Variants in JPH3 observed in about 807,000 individuals in gnomAD.
JPH3 encodes the protein junctophilin 3.
JPH3 carries 11 observed loss-of-function variants against 59.6 expected under a neutral mutation model. The observed-to-expected ratio is 0.18, with a 90% CI of 0.12 to 0.31. The LOEUF is 0.31. Ranked by LOEUF, JPH3 falls within the 10% of genes least tolerant of loss-of-function variation. The probability of loss-of-function intolerance (pLI) is 1.00; values close to 1 mark genes in which losing one functional copy is unlikely to be tolerated. For synonymous variants in JPH3, 673 were observed against 483.6 expected (o/e 1.39, Z -5.14); for missense variants, 1,202 against 1,105.7 (o/e 1.09, Z -1.24).
intron 1 of JPH3, among the ~76,000 whole-genome samples, chr16:87,624,278 G>A (rs114090423): frequency 5.8e-4 from 88 of 152,238 alleles, no homozygotes; most frequent in African/African-American, 2.0e-3. Context: ...CATTTTCATC[G>A]TCTCAAGAAG....
chr16:87,604,496 G>A, intron 1 of JPH3: 1 of 1,320,696 alleles, frequency 7.6e-7, no homozygotes, highest in African/African-American at 1.5e-5. Flanking sequence ...TCCCATGTGG[G>A]AGCTTATCCT....
intron 2 of JPH3, among the ~76,000 whole-genome samples, chr16:87,658,015 C>A (rs1401349341): frequency 6.6e-6 from 1 of 152,208 alleles, no homozygotes; most frequent in Non-Finnish European, 1.5e-5. Flanking sequence ...GCAAAGACTT[C>A]CTGGGTGTGG....
At chr16:87,628,105 G>C (rs1263313862) in intron 1 of JPH3, among the ~76,000 whole-genome samples, 1 of 152,214 alleles carries the variant, frequency 6.6e-6, no homozygotes, top group Non-Finnish European at 1.5e-5. Context: ...GAGGAAGCTG[G>C]GGTTAAGGGC....
chr16:87,633,494 T>C (rs61232140), intron 1 of JPH3, among the ~76,000 whole-genome samples: 1 of 149,466 alleles, frequency 6.7e-6, no homozygotes, highest in African/African-American at 2.5e-5. Context: ...AAAAAAAAAA[T>C]TTATATATAT....
In JPH3 at chr16:87,649,631, C is replaced by T. The variant is rs186337152; in HGVS notation, c.1160+4596C>T. 1.3e-4 allele frequency among the ~76,000 whole-genome samples: 20 copies of T among 152,320 alleles called. No homozygotes were observed. In the East Asian group the frequency reaches 3.9e-3, roughly 29 times the overall value. ...CCCTCTGCCACAACAACTCTCACAG[C>T]CCCCTCATCCCCACCCGCCGTGGAA... On this transcript the variant is annotated intron_variant, in intron 2 of 4. Transcript: ENST00000284262.
intron 2 of JPH3, among the ~76,000 whole-genome samples, chr16:87,679,865 C>T (rs1002540015): frequency 2.0e-5 from 3 of 152,244 alleles, no homozygotes; most frequent in African/African-American, 7.2e-5. Context: ...CTTCAGAGGC[C>T]CCCAGCTGGT....
In JPH3 at chr16:87,602,645, CGCCGCCGCCCGT is replaced by C. The variant is rs2030277505; in HGVS notation, c.-492_-481del. ...GCCCCCAATATGGTGCAGCCGCCAG[CGCCGCCGCCCGT>C]GCCGCCGCCGCCGCCCGCGGGCCCC... On this transcript the variant is annotated 5_prime_UTR_variant, in exon 1 of 5. Coordinates refer to ENST00000284262, the MANE Select transcript of JPH3 (RefSeq NM_020655.4). Among the ~76,000 whole-genome samples, 1 of 140,114 alleles carries C rather than the reference CGCCGCCGCCCGT, an allele frequency of 7.1e-6. No homozygotes were observed. Among genetic ancestry groups the C allele is most frequent in the Admixed American group, 7.0e-5 (1 of 14,376 alleles). 91.9% of individuals were successfully genotyped at this position (140,114 alleles called of 152,430 possible).
chr16:87,632,917 G>A (rs2031610321), intron 1 of JPH3, among the ~76,000 whole-genome samples: 1 of 151,934 alleles, frequency 6.6e-6, no homozygotes, highest in African/African-American at 2.4e-5. Flanking sequence ...AATTTTGGTA[G>A]AGACAGGGTC....
At chr16:87,606,262 A>T (rs2030517492) in intron 1 of JPH3, among the ~76,000 whole-genome samples, 2 of 152,272 alleles carry the variant, frequency 1.3e-5, no homozygotes, top group Admixed American at 1.3e-4. Context: ...GGCAGCCATC[A>T]GCGAAGCTCT....
In JPH3 at chr16:87,695,550, G is replaced by T. The variant is rs568988611; in HGVS notation, c.2167-1030G>T. On this transcript the variant is annotated intron_variant, in intron 4 of 4. Coordinates refer to ENST00000284262, the MANE Select transcript of JPH3 (RefSeq NM_020655.4). ...GGCGTGGTGGGGGTGGGGAGAGGCA[G>T]GGGCAAGTGTCCTCTGGAAGCAGAC... 5.6e-4 allele frequency: 254 copies of T among 454,806 alleles called. 1 individual carries two copies. Among genetic ancestry groups the T allele is most frequent in the African/African-American group, 4.6e-3 (232 of 50,144 alleles). The allele number at this position is 454,806 out of a possible 1,614,324, so 28.2% of individuals were successfully genotyped here. A position where few individuals can be genotyped will look rare whatever the true frequency, so the allele number is the denominator to read the frequency against.
intron 1 of JPH3, among the ~76,000 whole-genome samples, chr16:87,605,733 G>A (rs951903166): frequency 3.3e-5 from 5 of 152,130 alleles, no homozygotes; most frequent in Admixed American, 2.6e-4. Flanking sequence ...AGTAAGGCCC[G>A]GGCTTTGTGA....
At chr16:87,675,386 C>T (rs1200817173) in intron 2 of JPH3, among the ~76,000 whole-genome samples, 6 of 152,202 alleles carry the variant, frequency 3.9e-5, no homozygotes, top group East Asian at 1.9e-4. Context: ...CCAGCCTCCC[C>T]GTCCAGCCTT....
At chr16:87,639,400 C>G (rs991021411) in intron 1 of JPH3, among the ~76,000 whole-genome samples, 2 of 152,152 alleles carry the variant, frequency 1.3e-5, no homozygotes, top group Non-Finnish European at 2.9e-5. Flanking sequence ...TCCTGGTGGG[C>G]AAACTGGGCA....
chr16:87,639,114 C>G (rs1340320978), intron 1 of JPH3, among the ~76,000 whole-genome samples: 1 of 152,154 alleles, frequency 6.6e-6, no homozygotes, highest in Non-Finnish European at 1.5e-5. Context: ...AAGAGAGGTG[C>G]AGGGCTTTTG....
At chr16:87,685,893 G>A (rs552230393) in intron 3 of JPH3, among the ~76,000 whole-genome samples, 33 of 152,332 alleles carry the variant, frequency 2.2e-4, no homozygotes, top group South Asian at 1.7e-3. Flanking sequence ...AGCTCCCAAC[G>A]TGACTTATTT....
At chr16:87,663,817 T>C (rs751665768) in intron 2 of JPH3, among the ~76,000 whole-genome samples, 4 of 152,230 alleles carry the variant, frequency 2.6e-5, no homozygotes, top group Non-Finnish European at 5.9e-5. Context: ...CCTTGACATG[T>C]GAAGCTGTGC....
intron 1 of JPH3, among the ~76,000 whole-genome samples, chr16:87,612,409 A>C: frequency 7.2e-6 from 1 of 139,690 alleles, no homozygotes; most frequent in Non-Finnish European, 1.7e-5. Context: ...GGTGTGAGCA[A>C]CTTTTTTACA....
intron 1 of JPH3, among the ~76,000 whole-genome samples, chr16:87,620,941 T>C (rs1213953933): frequency 6.6e-6 from 1 of 152,162 alleles, no homozygotes; most frequent in Non-Finnish European, 1.5e-5. Context: ...CCTGAGCACT[T>C]GAGGTCAGGA....
At chr16:87,603,755 C>T (rs768629992) in intron 1 of JPH3, among the ~76,000 whole-genome samples, 120 of 152,220 alleles carry the variant, frequency 7.9e-4, no homozygotes, top group Non-Finnish European at 1.6e-3. Context: ...GGGGGCTTTC[C>T]AGGGGCAGAG....
Sources: gnomAD v4.1 joint callset for allele counts (sites outside exome capture counted in the v4.1 genomes callset) on GRCh38, gnomAD v4.1.1 for gene constraint, MANE v1.5 for transcripts, NCBI Gene and HGNC (gene_info 2026-07-23, HGNC 2026-07-21) for gene names.